The following CBR1 variants were observed in gnomAD, a reference collection of about 807,000 sequenced individuals.
CBR1 encodes the protein carbonyl reductase [NADPH] 1.
A neutral mutation model predicts 10.6 loss-of-function variants in CBR1; 11 were observed. That is an observed-to-expected ratio of 1.03 (90% CI 0.65 to 1.71). The LOEUF is 1.71. Among genes scored for constraint, CBR1 ranks in the 40% most tolerant of loss-of-function variants. The probability of loss-of-function intolerance (pLI) is 0.00; values close to 1 mark genes in which losing one functional copy is unlikely to be tolerated. For missense variants in CBR1, 361 were observed against 368.6 expected, an observed-to-expected ratio of 0.98 and a Z score of 0.17; for synonymous variants, 158 against 156.7, an observed-to-expected ratio of 1.01 and a Z score of -0.06.
intron 2 of CBR1, chr21:36,071,420 G>T: frequency 1.7e-6 from 1 of 592,302 alleles, no homozygotes; most frequent in East Asian, 2.8e-5. Context: ...ATTCAGGCTG[G>T]TGGAGGCTTT....
At chr21:36,071,816 A>G in intron 2 of CBR1, 1 of 1,534,056 alleles carries the variant, frequency 6.5e-7, no homozygotes, top group African/African-American at 1.4e-5. Flanking sequence ...CTTTCCCAGC[A>G]TCCTGCGTAC....
intron 2 of CBR1, chr21:36,071,933 A>G: frequency 1.3e-6 from 2 of 1,536,072 alleles, no homozygotes; most frequent in East Asian, 2.4e-5. Flanking sequence ...CTCTGGGCCC[A>G]TTTTAACTCC....
rs759028268 is a variant in CBR1 at position 36,071,016 on chromosome 21, G to A, written c.356G>A (p.Arg119Gln). 15 of 1,613,686 alleles carry A rather than the reference G, an allele frequency of 9.3e-6. No homozygotes were observed. The highest frequency in any genetic ancestry group is 5.0e-5 in the Admixed American group (3 of 60,014). Residue 119 changes from arginine (R) to glutamine (Q), a missense_variant, in exon 2 of 3, where the codon CGA (arginine) becomes CAA (glutamine). Arg to Gln is a conservative substitution (Grantham distance 43, BLOSUM62 1). Transcript: ENST00000290349. ...ATGAAAACAAATTTCTTTGGTACCC[G>A]AGATGTGTGCACAGAATTACTCCCT... ...VTMKTNFFGT[R>Q]DVCTELLPLI...
intron 2 of CBR1, chr21:36,071,592 C>CTT: frequency 1.7e-6 from 1 of 579,260 alleles, no homozygotes; most frequent in Non-Finnish European, 3.1e-6. Context: ...TTCCCTAAGT[C>CTT]GTTTGGGACA....
At position 36,072,707 on chromosome 21, in the gene CBR1, AG is replaced by A; in HGVS notation, c.660del (p.Ile221SerfsTer3). The A allele has an allele frequency of 6.2e-7, 1 of 1,614,202 alleles. No individual in the cohort carries two copies. The highest frequency in any genetic ancestry group is 1.3e-5 in the African/African-American group (1 of 75,058). On this transcript the variant is annotated frameshift_variant, in exon 3 of 3. Transcript: ENST00000290349. LOFTEE classifies it high-confidence loss of function. ...RKLSEQRKGDKILLNACCPGW... is the reference protein window; with the variant it reads ...RKLSEQRKGDXILLNACCPGW... ...CTGAGTGAGCAGAGGAAAGGGGACA[AG>A]ATCCTCCTGAATGCCTGCTGCCCAG...
chr21:36,071,898 A>G (rs2065354380), intron 2 of CBR1: 3 of 1,536,034 alleles, frequency 2.0e-6, no homozygotes, highest in African/African-American at 2.7e-5. Flanking sequence ...GTTCACAGAG[A>G]TGTCCATAAT....
chr21:36,072,791 C>T lies in CBR1; in HGVS notation c.743C>T (p.Ala248Val), dbSNP rs752394402. The T allele has an allele frequency of 7.4e-6, 12 of 1,613,932 alleles. No homozygotes were observed. Among genetic ancestry groups the T allele is most frequent in the South Asian group, 1.1e-5 (1 of 91,078 alleles). ...PKATKSPEEG[A>V]ETPVYLALLP... ...GCCACCAAGAGCCCAGAAGAAGGTG[C>T]AGAGACCCCTGTGTACTTGGCCCTT... Residue 248 changes from alanine to valine, a missense_variant, in exon 3 of 3, where the codon GCA (alanine) becomes GTA (valine). Coordinates refer to ENST00000290349, the MANE Select transcript of CBR1 (RefSeq NM_001757.4).
intron 2 of CBR1, 133 bp downstream of exon 2, chr21:36,071,190 C>A: frequency 1.4e-6 from 1 of 734,082 alleles, no homozygotes; most frequent in Non-Finnish European, 2.5e-6. Context: ...TTTTCTCCTG[C>A]CAGCTGATAT....
At position 36,070,360 on chromosome 21, in the gene CBR1, G is replaced by C. The variant is rs151043730; in HGVS notation, c.245G>C (p.Gly82Ala). 96 of 1,612,926 alleles carry C rather than the reference G, an allele frequency of 6.0e-5. No individual in the cohort carries two copies. The East Asian group carries it at 2.1e-3, about 35-fold the overall frequency. ...ALRDFLRKEY[G>A]GLDVLVNNAG... ...CGCGACTTCCTGCGCAAGGAGTACG[G>C]GGGCCTGGACGTGCTGGTCAACAAC... Residue 82 changes from glycine (G) to alanine (A), a missense_variant, in exon 1 of 3, where the codon GGG (glycine) becomes GCG (alanine). Coordinates refer to ENST00000290349, the MANE Select transcript of CBR1 (RefSeq NM_001757.4).
intron 2 of CBR1, chr21:36,071,338 C>G (rs938044398): frequency 1.3e-5 from 8 of 622,614 alleles, no homozygotes; most frequent in Non-Finnish European, 2.3e-5. Flanking sequence ...GAGAGATGCT[C>G]TTTATTTGCT....
At position 36,072,738 on chromosome 21, in the gene CBR1, G is replaced by T; in HGVS notation, c.690G>T (p.Trp230Cys). The change falls in exon 3 of 3, where the codon TGG becomes TGT. Residue 230 changes from tryptophan to cysteine, a missense_variant. Transcript: ENST00000290349. ...TCCTGAATGCCTGCTGCCCAGGGTG[G>T]GTGAGAACTGACATGGCGGGACCCA... ...KILLNACCPG[W>C]VRTDMAGPKA... 6.2e-7 allele frequency: 1 copy of T among 1,614,158 alleles called. No homozygotes were observed. Among genetic ancestry groups the T allele is most frequent in the Non-Finnish European group, 8.5e-7 (1 of 1,180,032 alleles).
intron 2 of CBR1, 27 bp from the exon 3 acceptor site, chr21:36,072,419 T>C: frequency 5.0e-6 from 8 of 1,614,122 alleles, no homozygotes; most frequent in Non-Finnish European, 6.8e-6. Context: ...CACACCTTTC[T>C]ACATAATGCT....
In CBR1 at chr21:36,072,795, G is replaced by A. The variant is rs1386912852; in HGVS notation, c.747G>A (p.Glu249=). 1 of 1,614,082 alleles carries A rather than the reference G, an allele frequency of 6.2e-7. No homozygotes were observed. The highest frequency in any genetic ancestry group is 1.1e-5 in the South Asian group (1 of 91,066). ...CCAAGAGCCCAGAAGAAGGTGCAGA[G>A]ACCCCTGTGTACTTGGCCCTTTTGC... ...KATKSPEEGA[E]TPVYLALLPP... is the part of the protein sequence containing the mutation. Residue 249 remains glutamate, a synonymous_variant, in exon 3 of 3, where the codon GAG becomes GAA. Coordinates refer to ENST00000290349, the MANE Select transcript of CBR1 (RefSeq NM_001757.4).
chr21:36,070,879 T>TTAG, intron 1 of CBR1, 71 bp from the exon 2 acceptor site: 6 of 903,900 alleles, frequency 6.6e-6, no homozygotes, highest in South Asian at 3.4e-5. Context: ...TTTTTTTTTT[T>TTAG]TAGTATCATT....
chr21:36,072,168 G>T, intron 2 of CBR1: 1 of 1,549,284 alleles, frequency 6.5e-7, no homozygotes. Context: ...CTGTCGTCCT[G>T]TTAAGTTGTG....
Position 36,070,211 on chromosome 21 carries a change from C to G in CBR1, c.96C>G (p.Asp32Glu). ...VRDLCRLFSG[D>E]VVLTARDVTR... ...ACCTGTGCCGGCTGTTCTCGGGGGA[C>G]GTGGTGCTCACGGCGCGGGACGTGA... Residue 32 changes from aspartate (D) to glutamate (E), a missense_variant, in exon 1 of 3, where the codon GAC becomes GAG. Coordinates refer to ENST00000290349, the MANE Select transcript of CBR1 (RefSeq NM_001757.4). 1.2e-6 allele frequency: 2 copies of G among 1,608,594 alleles called. No individual in the cohort carries two copies. The highest frequency in any genetic ancestry group is 1.7e-6 in the Non-Finnish European group (2 of 1,178,360).
intron 1 of CBR1, among the ~76,000 whole-genome samples, chr21:36,070,679 G>A (rs779351225): frequency 6.6e-6 from 1 of 152,008 alleles, no homozygotes; most frequent in Non-Finnish European, 1.5e-5. Context: ...TAAAATAAAC[G>A]ACAAATTGCA....
At position 36,071,224 on chromosome 21, in the gene CBR1, G is replaced by A. The variant is rs192717129; in HGVS notation, c.397+167G>A. ...ATGTGCCATTTTGCCTCAGGACTTT[G>A]TCCTCACTTCTCCCACTCCCATGGC... On this transcript the variant is annotated intron_variant, in intron 2 of 2. Coordinates refer to ENST00000290349, the MANE Select transcript of CBR1 (RefSeq NM_001757.4). The A allele has an allele frequency of 2.7e-3, 1,914 of 707,172 alleles. 12 individuals are homozygous for A. Among genetic ancestry groups the A allele is most frequent in the Non-Finnish European group, 4.0e-3 (1,538 of 385,520 alleles). 43.8% of individuals were successfully genotyped at this position (707,172 alleles called of 1,614,324 possible). A position where few individuals can be genotyped will look rare whatever the true frequency, so the allele number is the denominator to read the frequency against.
At position 36,072,510 on chromosome 21, in the gene CBR1, G is replaced by T. The variant is rs149755706; in HGVS notation, c.462G>T (p.Leu154=). ...CCCTTAAAAGCTGCAGCCCAGAGCTGCAGCAGAAGTTCCGCAGTGAGACCA... is the reference window on the plus strand; with the variant it reads ...CCCTTAAAAGCTGCAGCCCAGAGCTTCAGCAGAAGTTCCGCAGTGAGACCA... The part of the protein sequence containing the change: ...VRALKSCSPE[L]QQKFRSETIT... Residue 154 remains leucine (L), a synonymous_variant, in exon 3 of 3, where the codon CTG becomes CTT. Coordinates refer to ENST00000290349, the MANE Select transcript of CBR1 (RefSeq NM_001757.4). 1.2e-6 allele frequency: 2 copies of T among 1,607,458 alleles called. No individual in the cohort carries two copies. Among genetic ancestry groups the T allele is most frequent in the South Asian group, 1.1e-5 (1 of 89,928 alleles).
Sources: allele counts gnomAD v4.1 joint callset (sites outside exome capture counted in the v4.1 genomes callset), GRCh38; gene constraint gnomAD v4.1.1; transcripts MANE v1.5; gene names NCBI Gene and HGNC (gene_info 2026-07-23, HGNC 2026-07-21).